Variants in NR2F1-AS1 observed in about 807,000 individuals in gnomAD.
NR2F1-AS1 encodes the protein NR2F1 antisense RNA 1.
rs1380849980 is a variant in NR2F1-AS1, at chr5:93,579,645, C to A, written n.313+822G>T. 6.6e-6 allele frequency among the ~76,000 whole-genome samples: 1 copy of A among 151,844 alleles called. No individual in the cohort carries two copies. On this transcript the variant is annotated intron_variant and non_coding_transcript_variant, in intron 1 of 5. Coordinates refer to ENST00000660523, the Ensembl canonical transcript of NR2F1-AS1. The surrounding 1 kb of genome is among the most constrained non-coding windows in gnomAD (Gnocchi z 5.1). Reference sequence around the variant, plus strand: ...ATCGGCTGCCCCCGCCCCCCGCGCGCCCTCTGACGCAAACGCACGCCCCTG... The same window carrying A: ...ATCGGCTGCCCCCGCCCCCCGCGCGACCTCTGACGCAAACGCACGCCCCTG...
At chr5:93,583,927 C>A (rs1183166097), upstream of NR2F1-AS1, 1 of 152,354 alleles carries the variant, frequency 6.6e-6, no homozygotes, top group Non-Finnish European at 1.5e-5. Context: ...AAGAAGAAGG[C>A]AGCGAGAGCC....
intron 1 of NR2F1-AS1, among the ~76,000 whole-genome samples, chr5:93,573,368 C>T (rs978447782): frequency 6.6e-6 from 1 of 152,116 alleles, no homozygotes; most frequent in Admixed American, 6.5e-5. Context: ...GGAAACGTAG[C>T]GTTTAGGACA....
chr5:93,524,185 A>G (rs764407047), intron 4 of NR2F1-AS1, among the ~76,000 whole-genome samples: 1 of 152,034 alleles, frequency 6.6e-6, no homozygotes. Flanking sequence ...GCTCAAAAAC[A>G]CAGCATGAGA....
intron 4 of NR2F1-AS1, among the ~76,000 whole-genome samples, chr5:93,475,438 T>C (rs1750463600): frequency 6.6e-6 from 1 of 152,186 alleles, no homozygotes; most frequent in Admixed American, 6.5e-5. Context: ...TCTGCCTACA[T>C]TAACCAGAAT....
At chr5:93,434,876 T>C (rs1473133238) in intron 4 of NR2F1-AS1, among the ~76,000 whole-genome samples, 1 of 152,212 alleles carries the variant, frequency 6.6e-6, no homozygotes, top group East Asian at 1.9e-4. Context: ...ATTATATAAA[T>C]GATGTTGTGT....
chr5:93,570,976 C>T (rs982631146), intron 1 of NR2F1-AS1: 1 of 152,246 alleles, frequency 6.6e-6, no homozygotes, highest in South Asian at 2.1e-4. Context: ...AAAATTCGTT[C>T]GCAAGGGAGC....
In NR2F1-AS1 at chr5:93,513,317, A is replaced by G. The variant is rs546053402; in HGVS notation, n.638+40444T>C. Among the ~76,000 whole-genome samples the G allele has an allele frequency of 1.0e-3, 152 of 152,320 alleles. 2 individuals carry two copies. The highest frequency in any genetic ancestry group is 6.8e-3 in the Middle Eastern group (2 of 294). On this transcript the variant is annotated intron_variant and non_coding_transcript_variant, in intron 4 of 5. Coordinates refer to ENST00000660523, the Ensembl canonical transcript of NR2F1-AS1. ...ACCTAGCAATCCCATTACTGGGTAT[A>G]TATCCAGAAGAAAATAAACTGTTCT...
intron 4 of NR2F1-AS1, among the ~76,000 whole-genome samples, chr5:93,548,047 T>C (rs1752129984): frequency 6.6e-6 from 1 of 152,208 alleles, no homozygotes; most frequent in Non-Finnish European, 1.5e-5. Flanking sequence ...CTGGACATCC[T>C]GACCACTTTA....
intron 4 of NR2F1-AS1, among the ~76,000 whole-genome samples, chr5:93,420,083 C>A (rs1224914705): frequency 1.3e-5 from 2 of 152,110 alleles, no homozygotes; most frequent in Admixed American, 1.3e-4. Flanking sequence ...ATAATCCCTG[C>A]TATTCGGAAG....
At chr5:93,545,462 C>A (rs752151181) in intron 4 of NR2F1-AS1, among the ~76,000 whole-genome samples, 11 of 152,162 alleles carry the variant, frequency 7.2e-5, no homozygotes, top group Non-Finnish European at 1.3e-4. Context: ...TGTTTCTGTA[C>A]CACAAAATGA....
chr5:93,443,378 T>C (rs2149853210), intron 4 of NR2F1-AS1, among the ~76,000 whole-genome samples: 1 of 152,204 alleles, frequency 6.6e-6, no homozygotes, highest in South Asian at 2.1e-4. Context: ...CTGAAAACCA[T>C]GGCGCGAGAA....
intron 4 of NR2F1-AS1, among the ~76,000 whole-genome samples, chr5:93,502,380 A>G (rs777844470): frequency 5.3e-5 from 8 of 152,200 alleles, no homozygotes; most frequent in Non-Finnish European, 8.8e-5. Flanking sequence ...TAGCTTAGAA[A>G]TACCCAGGGT....
At chr5:93,510,522 C>A (rs1241386530) in intron 4 of NR2F1-AS1, among the ~76,000 whole-genome samples, 1 of 152,092 alleles carries the variant, frequency 6.6e-6, no homozygotes, top group Non-Finnish European at 1.5e-5. Context: ...CAAAGAACCT[C>A]ATTTTTCAAA....
chr5:93,544,773 T>G (rs1752037615), intron 4 of NR2F1-AS1: 1 of 151,756 alleles, frequency 6.6e-6, no homozygotes, highest in Non-Finnish European at 1.5e-5. Context: ...AATACAAAAA[T>G]TAGCTGGGCG....
At chr5:93,533,426 A>G (rs554291262) in intron 4 of NR2F1-AS1, among the ~76,000 whole-genome samples, 1 of 152,318 alleles carries the variant, frequency 6.6e-6, no homozygotes, top group South Asian at 2.1e-4. Context: ...ACTCTCTGAA[A>G]TAAGTACAGC....
chr5:93,561,067 A>C lies in NR2F1-AS1; in HGVS notation n.413+2297T>G, dbSNP rs183565488. ...GGCGGGCAGATCACCTGAGGTCGGGAGTTCGAGACCAGCCTAACCAACATG... is the reference window on the plus strand; with the variant it reads ...GGCGGGCAGATCACCTGAGGTCGGGCGTTCGAGACCAGCCTAACCAACATG... On this transcript the variant is annotated intron_variant and non_coding_transcript_variant, in intron 2 of 5. Coordinates refer to ENST00000660523, the Ensembl canonical transcript of NR2F1-AS1. 7.2e-3 allele frequency among the ~76,000 whole-genome samples: 1,097 copies of C among 152,352 alleles called. 4 individuals carry two copies. Among genetic ancestry groups the C allele is most frequent in the Non-Finnish European group, 0.012 (798 of 68,036 alleles).
At chr5:93,413,932 G>A (rs17083155) in intron 4 of NR2F1-AS1, among the ~76,000 whole-genome samples, 16,004 of 152,092 alleles carry the variant, frequency 0.11, 943 homozygotes, top group Middle Eastern at 0.17. Context: ...CTGAGTCTGA[G>A]ATCTTTTTGA....
At chr5:93,574,215 G>A (rs1042263928) in intron 1 of NR2F1-AS1, among the ~76,000 whole-genome samples, 3 of 151,790 alleles carry the variant, frequency 2.0e-5, no homozygotes, top group Non-Finnish European at 2.9e-5. Context: ...GTGGGAGTGA[G>A]CAGCCGATAT....
intron 4 of NR2F1-AS1, among the ~76,000 whole-genome samples, chr5:93,468,177 G>A (rs1750281910): frequency 6.6e-6 from 1 of 152,134 alleles, no homozygotes; most frequent in Admixed American, 6.5e-5. Context: ...CCCAGTAATG[G>A]GATGGCTGGG....
Sources: allele counts gnomAD v4.1 joint callset (sites outside exome capture counted in the v4.1 genomes callset), GRCh38; gene constraint gnomAD v4.1.1; non-coding constraint Gnocchi (gnomAD v3.1); transcripts MANE v1.5; gene names NCBI Gene and HGNC (gene_info 2026-07-23, HGNC 2026-07-21).